The following DERL1 variants were observed in gnomAD, a reference collection of about 807,000 sequenced individuals.
DERL1 encodes the protein derlin 1.
DERL1 carries 24 observed loss-of-function variants against 41.6 expected under a neutral mutation model. The ratio of observed to expected loss-of-function variants is 0.58; its 90% CI spans 0.42 to 0.81. DERL1 has a LOEUF of 0.81. DERL1 is among the 30% of genes least tolerant of loss of function. DERL1 has a pLI of 0.00. For synonymous variants in DERL1, 124 were observed against 112.5 expected, an observed-to-expected ratio of 1.10 and a Z score of -0.65; for missense variants, 260 against 314.3, an observed-to-expected ratio of 0.83 and a Z score of 1.31.
chr8:123,019,259 A>C lies in DERL1; in HGVS notation c.553T>G (p.Phe185Val). ...TCCATTGGGTATCTGAACATTAGGA[A>C]AAAATAAAGATGTCCAACCAGATTT... ...IGNLVGHLYF[F>V]LMFRYPMDLG... The change falls in exon 7 of 8, where the codon TTC (phenylalanine) becomes GTC (valine). Residue 185 changes from phenylalanine to valine, a missense_variant. Coordinates refer to ENST00000259512, the MANE Select transcript of DERL1 (RefSeq NM_024295.6). 1 of 1,614,160 alleles carries C rather than the reference A, an allele frequency of 6.2e-7. No homozygotes were observed.
At chr8:123,018,857 C>A in intron 7 of DERL1, 1 of 308,644 alleles carries the variant, frequency 3.2e-6, no homozygotes, top group Non-Finnish European at 6.1e-6. Context: ...AAAAGACACC[C>A]CACTAACCTG....
At chr8:123,023,133 G>A (rs947613538) in intron 4 of DERL1, among the ~76,000 whole-genome samples, 1 of 152,114 alleles carries the variant, frequency 6.6e-6, no homozygotes, top group East Asian at 1.9e-4. Context: ...CACATGCCTA[G>A]AAAATACTAG....
chr8:123,018,335 T>C (rs1814642644), intron 7 of DERL1: 1 of 152,200 alleles, frequency 6.6e-6, no homozygotes, highest in Non-Finnish European at 1.5e-5. Context: ...CACACGACTA[T>C]TACATGCTTC....
chr8:123,022,550 G>A, intron 5 of DERL1, 134 bp downstream of exon 5: 1 of 752,694 alleles, frequency 1.3e-6, no homozygotes. Context: ...ATTGAGGAGG[G>A]CAGAAAGGGG....
chr8:123,035,978 C>G (rs1812919231), intron 1 of DERL1, among the ~76,000 whole-genome samples: 2 of 152,058 alleles, frequency 1.3e-5, no homozygotes, highest in Non-Finnish European at 2.9e-5. Context: ...GTGACAAATG[C>G]TAGTTTAGTA....
chr8:123,022,915 A>C (rs1052616188), intron 4 of DERL1, 136 bp from the exon 5 acceptor site: 3 of 591,298 alleles, frequency 5.1e-6, no homozygotes, highest in Non-Finnish European at 9.1e-6. Flanking sequence ...TCAGAATTAT[A>C]AATTGATCCT....
intron 1 of DERL1, among the ~76,000 whole-genome samples, chr8:123,041,319 T>C (rs1226427898): frequency 6.6e-6 from 1 of 152,226 alleles, no homozygotes; most frequent in Non-Finnish European, 1.5e-5. Flanking sequence ...TGGCACTCTC[T>C]TGACAGAAAT....
intron 1 of DERL1, among the ~76,000 whole-genome samples, chr8:123,036,360 A>G (rs1449764504): frequency 1.3e-5 from 2 of 152,212 alleles, no homozygotes; most frequent in Non-Finnish European, 2.9e-5. Flanking sequence ...GGTAGACACA[A>G]AAGAGAACAT....
intron 4 of DERL1, 53 bp downstream of exon 4, chr8:123,023,660 A>C: frequency 6.4e-7 from 1 of 1,569,004 alleles, no homozygotes; most frequent in Non-Finnish European, 8.7e-7. Flanking sequence ...GGCCACTAAT[A>C]GTATATTTGA....
intron 1 of DERL1, 40 bp from the exon 2 acceptor site, chr8:123,030,756 A>G: frequency 7.1e-7 from 1 of 1,399,544 alleles, no homozygotes; most frequent in South Asian, 1.2e-5. Context: ...AGTTTCTGTA[A>G]GCCTGGTTAT....
chr8:123,023,285 C>T (rs1159858030), intron 4 of DERL1, among the ~76,000 whole-genome samples: 12 of 152,144 alleles, frequency 7.9e-5, no homozygotes, highest in African/African-American at 2.9e-4. Context: ...AGGCCAGGCA[C>T]GGTGGCTCAT....
At chr8:123,023,943 C>A (rs1812624252) in intron 3 of DERL1, among the ~76,000 whole-genome samples, 1 of 152,142 alleles carries the variant, frequency 6.6e-6, no homozygotes, top group African/African-American at 2.4e-5. Context: ...CATAGCAAGA[C>A]CCCATCTCTA....
chr8:123,037,449 T>C (rs1444833671), intron 1 of DERL1, among the ~76,000 whole-genome samples: 1 of 152,222 alleles, frequency 6.6e-6, no homozygotes. Context: ...TATGCTATGA[T>C]ATTATCCTCA....
chr8:123,022,216 A>G (rs919113586), intron 5 of DERL1, among the ~76,000 whole-genome samples: 1 of 152,222 alleles, frequency 6.6e-6, no homozygotes, highest in Non-Finnish European at 1.5e-5. Flanking sequence ...TTCAGTTCCA[A>G]CTCAAATTAA....
chr8:123,024,851 T>A, intron 3 of DERL1, 135 bp downstream of exon 3: 4 of 851,722 alleles, frequency 4.7e-6, no homozygotes. Context: ...TAAAAAACTA[T>A]AATTATTCTT....
At chr8:123,018,888 CCTA>C in intron 7 of DERL1, 2 of 358,904 alleles carry the variant, frequency 5.6e-6, no homozygotes, top group Non-Finnish European at 1.0e-5. Context: ...CATTCACCAG[CCTA>C]CTGTTTCGCA....
In DERL1 at chr8:123,041,035, CTGAA is replaced by C. The variant is rs543325076; in HGVS notation, c.153+931_153+934del. On this transcript the variant is annotated intron_variant, in intron 1 of 7. Coordinates refer to ENST00000259512, the MANE Select transcript of DERL1 (RefSeq NM_024295.6). ...ATAGAAAGTATGTAAAGCCCTGAGGCTGAATGAATGAGACCACCTAAAGCTAGGG... is the reference window on the plus strand; with the variant it reads ...ATAGAAAGTATGTAAAGCCCTGAGGCTGAATGAGACCACCTAAAGCTAGGG... 1.6e-4 allele frequency among the ~76,000 whole-genome samples: 24 copies of C among 152,254 alleles called. No homozygotes were observed. In the South Asian group the frequency reaches 4.6e-3, roughly 29 times the overall value.
intron 7 of DERL1, chr8:123,018,090 T>C (rs1160874637): frequency 1.3e-5 from 2 of 152,256 alleles, no homozygotes; most frequent in Non-Finnish European, 2.9e-5. Flanking sequence ...GGAGGCCTGC[T>C]CAAGTTTTAC....
chr8:123,037,541 G>A lies in DERL1; in HGVS notation c.153+4429C>T, dbSNP rs964104152. ...CTAGCAGGGGACTGAGCCAGGCCTT[G>A]AGACCATGATTCAACTACTTGAAAT... On this transcript the variant is annotated intron_variant, in intron 1 of 7. Transcript: ENST00000259512. Among the ~76,000 whole-genome samples, 21 of 152,188 alleles carry A rather than the reference G, an allele frequency of 1.4e-4. 1 individual carries two copies. Among genetic ancestry groups the A allele is most frequent in the Non-Finnish European group, 2.8e-4 (19 of 68,022 alleles).
Sources: gnomAD v4.1 joint callset for allele counts (sites outside exome capture counted in the v4.1 genomes callset) on GRCh38, gnomAD v4.1.1 for gene constraint, MANE v1.5 for transcripts, NCBI Gene and HGNC (gene_info 2026-07-23, HGNC 2026-07-21) for gene names.